The following DLG2 variants were observed in gnomAD, a reference collection of about 807,000 sequenced individuals.
DLG2 encodes disks large homolog 2.
A neutral mutation model predicts 132.5 loss-of-function variants in DLG2; 45 were observed. The observed-to-expected ratio is 0.34, with a 90% confidence interval of 0.27 to 0.44. DLG2 has a LOEUF of 0.44. Among genes scored for constraint, DLG2 ranks in the 20% least tolerant of loss-of-function variants. DLG2 has a pLI of 1.00. For synonymous variants in DLG2, 424 were observed against 419.6 expected (o/e 1.01, Z -0.13); for missense variants, 1,045 against 1,196.9 (o/e 0.87, Z 1.87).
At chr11:84,531,440 T>C (rs754498550) in intron 7 of DLG2, among the ~76,000 whole-genome samples, 1 of 152,176 alleles carries the variant, frequency 6.6e-6, no homozygotes, top group Non-Finnish European at 1.5e-5. Context: ...AGTTTACCTA[T>C]ATAACAAACC....
intron 12 of DLG2, among the ~76,000 whole-genome samples, chr11:83,976,746 A>G (rs1201871022): frequency 6.6e-6 from 1 of 151,928 alleles, no homozygotes; most frequent in African/African-American, 2.4e-5. Context: ...AGTTTCTTTA[A>G]AAAAAACTAT....
intron 6 of DLG2, among the ~76,000 whole-genome samples, chr11:84,751,194 T>C (rs1215103205): frequency 6.6e-6 from 1 of 152,096 alleles, no homozygotes. Flanking sequence ...TCAGAAAGGA[T>C]GAATCAAAGA....
At chr11:85,157,965 G>A (rs560611508) in intron 4 of DLG2, among the ~76,000 whole-genome samples, 22 of 152,024 alleles carry the variant, frequency 1.4e-4, no homozygotes, top group Non-Finnish European at 2.8e-4. Context: ...CACTGCCTGA[G>A]AAAACAGTGA....
At chr11:85,378,476 T>C (rs960821097) in intron 3 of DLG2, among the ~76,000 whole-genome samples, 4 of 152,172 alleles carry the variant, frequency 2.6e-5, no homozygotes, top group Admixed American at 6.5e-5. Flanking sequence ...TATTTTCTAG[T>C]TACCAAATTA....
At chr11:83,820,248 G>C (rs1181115531) in intron 17 of DLG2, among the ~76,000 whole-genome samples, 1 of 152,092 alleles carries the variant, frequency 6.6e-6, no homozygotes, top group East Asian at 1.9e-4. Context: ...CTGAAAAAAA[G>C]TATAAGAAAA....
At chr11:83,894,254 T>C (rs1375820571) in intron 15 of DLG2, among the ~76,000 whole-genome samples, 1 of 152,220 alleles carries the variant, frequency 6.6e-6, no homozygotes, top group Non-Finnish European at 1.5e-5. Context: ...GCAAGCCCAG[T>C]TCCTGTTACT....
chr11:85,535,378 A>G (rs185728333), intron 3 of DLG2, among the ~76,000 whole-genome samples: 52 of 152,164 alleles, frequency 3.4e-4, no homozygotes, highest in African/African-American at 1.2e-3. Context: ...GTCAAAATAA[A>G]TAAATAAATA....
In DLG2 at chr11:84,892,993, G is replaced by C. The variant is rs949302943; in HGVS notation, c.357+218668C>G. Among the ~76,000 whole-genome samples, 3 of 152,190 alleles carry C rather than the reference G, an allele frequency of 2.0e-5. No homozygotes were observed. In the South Asian group the frequency reaches 6.2e-4, roughly 32 times the overall value. Reference sequence around the variant, plus strand: ...AGACTCAGAAGTTACACAGACTAGGGTTCAAATGCTAATTTCACCATTTAT... The same window carrying C: ...AGACTCAGAAGTTACACAGACTAGGCTTCAAATGCTAATTTCACCATTTAT... On this transcript the variant is annotated intron_variant, in intron 6 of 27. Coordinates refer to ENST00000376104, the MANE Select transcript of DLG2 (RefSeq NM_001142699.3).
chr11:83,680,190 G>C (rs1357360454), intron 18 of DLG2, among the ~76,000 whole-genome samples: 2 of 152,080 alleles, frequency 1.3e-5, no homozygotes, highest in Non-Finnish European at 2.9e-5. Flanking sequence ...CAAATGAGAA[G>C]AAATTCAGTT....
chr11:84,466,023 G>T (rs2099093449), intron 7 of DLG2, among the ~76,000 whole-genome samples: 3 of 151,058 alleles, frequency 2.0e-5, no homozygotes, highest in African/African-American at 7.3e-5. Context: ...TTGAGAAAAA[G>T]ACCCAGATAT....
intron 6 of DLG2, among the ~76,000 whole-genome samples, chr11:84,896,182 C>A (rs2090161889): frequency 6.6e-6 from 1 of 152,010 alleles, no homozygotes. Context: ...TATTTCAATG[C>A]AGAATGAAAA....
intron 7 of DLG2, among the ~76,000 whole-genome samples, chr11:84,346,663 C>T (rs759782764): frequency 2.3e-4 from 35 of 152,260 alleles, no homozygotes; most frequent in East Asian, 3.9e-4. Flanking sequence ...CTGCAACCTT[C>T]GCCTCCCTGG....
intron 4 of DLG2, among the ~76,000 whole-genome samples, chr11:85,159,279 C>A (rs893163914): frequency 2.0e-5 from 3 of 152,148 alleles, no homozygotes; most frequent in African/African-American, 7.2e-5. Flanking sequence ...CCGGACTCAT[C>A]CTGTGGTCAT....
At chr11:83,999,605 G>T (rs1465682326) in intron 11 of DLG2, among the ~76,000 whole-genome samples, 1 of 151,934 alleles carries the variant, frequency 6.6e-6, no homozygotes, top group African/African-American at 2.4e-5. Flanking sequence ...GTATACTGGG[G>T]CTCAAGAACA....
intron 7 of DLG2, among the ~76,000 whole-genome samples, chr11:84,280,462 T>C (rs542611831): frequency 2.6e-5 from 4 of 151,954 alleles, no homozygotes; most frequent in African/African-American, 9.6e-5. Flanking sequence ...AGTGACAGTG[T>C]TTTGCCATGT....
intron 7 of DLG2, among the ~76,000 whole-genome samples, chr11:84,444,920 C>T (rs610289): frequency 1.3e-5 from 2 of 151,562 alleles, no homozygotes; most frequent in East Asian, 1.9e-4. Context: ...CTCCTGCCTC[C>T]GCCTCCCGAA....
chr11:85,054,090 C>T (rs1436748078), intron 6 of DLG2, among the ~76,000 whole-genome samples: 1 of 151,550 alleles, frequency 6.6e-6, no homozygotes, highest in Non-Finnish European at 1.5e-5. Context: ...CATGGTGAAA[C>T]CACATCTCTA....
intron 5 of DLG2, among the ~76,000 whole-genome samples, chr11:85,140,471 T>C (rs538521555): frequency 2.0e-5 from 3 of 152,024 alleles, no homozygotes; most frequent in African/African-American, 4.8e-5. Context: ...GTTATATATA[T>C]TTATAGGGTA....
chr11:85,227,740 T>C (rs906818095), intron 4 of DLG2, among the ~76,000 whole-genome samples: 2 of 152,102 alleles, frequency 1.3e-5, no homozygotes, highest in Admixed American at 6.6e-5. Context: ...TCCAAGTCCA[T>C]TTGGAAGCAT....
Sources: allele counts gnomAD v4.1 joint callset (sites outside exome capture counted in the v4.1 genomes callset), GRCh38; gene constraint gnomAD v4.1.1; transcripts MANE v1.5; gene names NCBI Gene and HGNC (gene_info 2026-07-23, HGNC 2026-07-21).